The following RADX variants were observed in gnomAD, a reference collection of about 807,000 sequenced individuals.
The protein encoded by RADX is RPA-related protein RADX.
Under a neutral mutation model 61.6 loss-of-function variants are expected in RADX, and 36 were observed. That is an observed-to-expected ratio of 0.58 (90% CI 0.45 to 0.77). The LOEUF (loss-of-function observed/expected upper bound fraction) is 0.77. Ranked by LOEUF, RADX falls within the 30% of genes least tolerant of loss-of-function variation. The pLI is 0.00. For missense variants in RADX, 497 were observed against 651.1 expected, an observed-to-expected ratio of 0.76 and a Z score of 2.58; for synonymous variants, 272 against 237.9, an observed-to-expected ratio of 1.14 and a Z score of -1.32.
Position 106,611,993 on chromosome X carries a change from G to T in RADX, c.-88G>T, listed in dbSNP as rs147652153. 2 of 1,031,005 alleles carry T rather than the reference G, an allele frequency of 1.9e-6. No homozygotes were observed. Among genetic ancestry groups the T allele is most frequent in the Admixed American group, 2.8e-5 (1 of 35,292 alleles). The allele number at this position is 1,031,005 out of a possible 1,213,427, so 85.0% of individuals were successfully genotyped here. A position where few individuals can be genotyped will look rare whatever the true frequency, so the allele number is the denominator to read the frequency against. ...TGTCAGCAGGGGCAGAGTAGCGATCGTCGCCAAAGCGCGCGGTTTTATTTC... is the reference window on the plus strand; with the variant it reads ...TGTCAGCAGGGGCAGAGTAGCGATCTTCGCCAAAGCGCGCGGTTTTATTTC... On this transcript the variant is annotated 5_prime_UTR_variant, in exon 1 of 14. Coordinates refer to ENST00000372548, the MANE Select transcript of RADX (RefSeq NM_018015.6).
Position 106,612,098 on chromosome X carries a change from A to C in RADX, c.18A>C (p.Gly6=). 8.3e-7 allele frequency: 1 copy of C among 1,207,927 alleles called. No homozygotes were observed. Among genetic ancestry groups the C allele is most frequent in the Non-Finnish European group, 1.1e-6 (1 of 893,715 alleles). The change falls in exon 1 of 14, where the codon GGA becomes GGC. Residue 6 remains glycine, a synonymous_variant. Coordinates refer to ENST00000372548, the MANE Select transcript of RADX (RefSeq NM_018015.6). ...ATCCAACAATGTCTGGTGAGTCAGGACAGCCTGAGGCTGGTCCCTCACATG... is the reference window on the plus strand; with the variant it reads ...ATCCAACAATGTCTGGTGAGTCAGGCCAGCCTGAGGCTGGTCCCTCACATG... MSGES[G]QPEAGPSHAG... is the part of the protein sequence containing the mutation.
At chrX:106,631,267 A>G (rs1244965711) in intron 3 of RADX, among the ~76,000 whole-genome samples, 1 of 112,366 alleles carries the variant, frequency 8.9e-6, no homozygotes, top group Non-Finnish European at 1.9e-5. Flanking sequence ...ACAATTCAAT[A>G]GAACAATGGG....
At chrX:106,628,488 A>G (rs1781180989) in intron 3 of RADX, among the ~76,000 whole-genome samples, 1 of 111,256 alleles carries the variant, frequency 9.0e-6, no homozygotes, top group Non-Finnish European at 1.9e-5. Context: ...GAAACAGTAT[A>G]TAGTGGGAGG....
At chrX:106,674,886 T>A (rs928749068) in intron 13 of RADX, among the ~76,000 whole-genome samples, 17 of 110,032 alleles carry the variant, frequency 1.5e-4, no homozygotes, top group African/African-American at 5.6e-4. Context: ...TAGCCAGACG[T>A]GGTGGTGCAC....
chrX:106,643,499 T>G (rs1252601808), intron 10 of RADX, among the ~76,000 whole-genome samples: 2 of 111,490 alleles, frequency 1.8e-5, no homozygotes, highest in East Asian at 5.6e-4. Context: ...TTTGAGTTGA[T>G]TTTTGTATAT....
At chrX:106,657,872 G>T (rs1226972032) in intron 11 of RADX, among the ~76,000 whole-genome samples, 1 of 111,401 alleles carries the variant, frequency 9.0e-6, no homozygotes, top group South Asian at 3.7e-4. Flanking sequence ...TTGAAATATT[G>T]TGATAATTAC....
At chrX:106,673,958 A>G (rs771782514) in intron 13 of RADX, among the ~76,000 whole-genome samples, 2 of 110,839 alleles carry the variant, frequency 1.8e-5, no homozygotes, top group Admixed American at 9.6e-5. Flanking sequence ...ACTGAGTTCA[A>G]TGCCTCACAA....
At chrX:106,642,519 A>G (rs764888040) in intron 10 of RADX, among the ~76,000 whole-genome samples, 3 of 111,733 alleles carry the variant, frequency 2.7e-5, no homozygotes, top group African/African-American at 6.5e-5. Flanking sequence ...TTATCTTTCT[A>G]TGCTTGGCTT....
intron 10 of RADX, among the ~76,000 whole-genome samples, chrX:106,643,108 T>G (rs989093609): frequency 8.9e-6 from 1 of 111,823 alleles, no homozygotes; most frequent in Non-Finnish European, 1.9e-5. Flanking sequence ...TTCATGTGCC[T>G]GTTTGCCATT....
chrX:106,619,732 A>G (rs1045102587), intron 1 of RADX, among the ~76,000 whole-genome samples: 6 of 109,724 alleles, frequency 5.5e-5, no homozygotes, highest in African/African-American at 2.0e-4. Context: ...AAAATCATAC[A>G]TAATAATCTT....
Position 106,669,222 on chromosome X carries a change from A to G in RADX, c.2329A>G (p.Ile777Val), listed in dbSNP as rs201720137. ...CCTACCCATGTATTGTCCAGAAGATATTCGAACATCTCAAATAGACACACT... is the reference window on the plus strand; with the variant it reads ...CCTACCCATGTATTGTCCAGAAGATGTTCGAACATCTCAAATAGACACACT... ...AFLPMYCPED[I>V]RTSQIDTLLT... is the part of the protein sequence containing the mutation. Residue 777 changes from isoleucine (I) to valine (V), a missense_variant, in exon 13 of 14, where the codon ATT (isoleucine) becomes GTT (valine). Around this residue, in one of 3 missense-constraint regions of RADX, gnomAD observed 267 missense variants for 306.9 expected, o/e 0.87. Coordinates refer to ENST00000372548, the MANE Select transcript of RADX (RefSeq NM_018015.6). 1.9e-5 allele frequency: 23 copies of G among 1,197,565 alleles called. No homozygotes were observed. The highest frequency in any genetic ancestry group is 2.3e-5 in the Non-Finnish European group (20 of 882,589).
intron 11 of RADX, among the ~76,000 whole-genome samples, chrX:106,650,235 G>A (rs1927761324): frequency 9.0e-6 from 1 of 111,028 alleles, no homozygotes; most frequent in South Asian, 3.8e-4. Flanking sequence ...TGTGCAGCAT[G>A]GAAGTATGGT....
intron 1 of RADX, among the ~76,000 whole-genome samples, chrX:106,618,731 G>A (rs1360238348): frequency 9.0e-6 from 1 of 110,703 alleles, no homozygotes; most frequent in African/African-American, 3.3e-5. Context: ...AGTCCGGGAG[G>A]TTGAGGCTGC....
At chrX:106,632,010 A>G (rs1927246852) in intron 3 of RADX, among the ~76,000 whole-genome samples, 1 of 111,478 alleles carries the variant, frequency 9.0e-6, no homozygotes, top group Admixed American at 9.6e-5. Context: ...TTTACATATC[A>G]CATAATCCAG....
At chrX:106,654,178 C>T (rs767322853) in intron 11 of RADX, among the ~76,000 whole-genome samples, 1 of 111,556 alleles carries the variant, frequency 9.0e-6, no homozygotes, top group African/African-American at 3.3e-5. Context: ...TCCTATTTCT[C>T]CACATCCTCT....
intron 11 of RADX, among the ~76,000 whole-genome samples, chrX:106,650,350 A>G (rs1927764253): frequency 9.0e-6 from 1 of 110,869 alleles, no homozygotes; most frequent in African/African-American, 3.3e-5. Context: ...AGACAAAGGC[A>G]GTTGTGAAAC....
At chrX:106,654,509 G>A (rs780673512) in intron 11 of RADX, among the ~76,000 whole-genome samples, 1 of 111,310 alleles carries the variant, frequency 9.0e-6, no homozygotes, top group South Asian at 3.8e-4. Context: ...ATGGGGAAAG[G>A]ATTCCCTATT....
In RADX at chrX:106,640,543, T is replaced by C; in HGVS notation, c.1735-9T>C. 8.8e-7 allele frequency: 1 copy of C among 1,136,672 alleles called. No homozygotes were observed. Among genetic ancestry groups the C allele is most frequent in the South Asian group, 2.2e-5 (1 of 45,580 alleles). The allele number at this position is 1,136,672 out of a possible 1,213,427, so 93.7% of individuals were successfully genotyped here. A position where few individuals can be genotyped will look rare whatever the true frequency, so the allele number is the denominator to read the frequency against. On this transcript the variant is annotated splice_polypyrimidine_tract_variant and intron_variant, in intron 9 of 13. Coordinates refer to ENST00000372548, the MANE Select transcript of RADX (RefSeq NM_018015.6). Reference sequence around the variant, plus strand: ...GCCTAAAGTGTTTTCTCTAAATTATTGGTTTTAGAATGCTAACAGACCCTC... The same window carrying C: ...GCCTAAAGTGTTTTCTCTAAATTATCGGTTTTAGAATGCTAACAGACCCTC...
At chrX:106,651,527 T>C (rs979032804) in intron 11 of RADX, among the ~76,000 whole-genome samples, 5 of 111,318 alleles carry the variant, frequency 4.5e-5, no homozygotes, top group Non-Finnish European at 7.5e-5. Flanking sequence ...GCAAAGAAGT[T>C]AGTAAAATAT....
Sources: gnomAD v4.1 joint callset for allele counts (sites outside exome capture counted in the v4.1 genomes callset) on GRCh38, gnomAD v4.1.1 for gene constraint, gnomAD v4.1.1 regional missense constraint, MANE v1.5 for transcripts, NCBI Gene and HGNC (gene_info 2026-07-23, HGNC 2026-07-21) for gene names.